Variants in LYPLAL1 observed in about 807,000 individuals in gnomAD.
The protein encoded by LYPLAL1 is lysophospholipase like 1.
In LYPLAL1, 23 loss-of-function variants were observed where a neutral mutation model predicts 19.7. The observed-to-expected ratio is 1.17, with a 90% CI of 0.84 to 1.65. LYPLAL1 has a LOEUF of 1.65. Ranked by LOEUF, LYPLAL1 falls within the 40% of genes most tolerant of loss-of-function variation. LYPLAL1 has a pLI of 0.00. For synonymous variants in LYPLAL1, 119 were observed against 96.3 expected (o/e 1.24, Z -1.38); for missense variants, 355 against 279.4 (o/e 1.27, Z -1.93).
At chr1:219,427,151 A>G in the LYPLAL1 span, among the ~76,000 whole-genome samples, 1 of 152,118 alleles carries the variant, frequency 6.6e-6, no homozygotes, top group Non-Finnish European at 1.5e-5. Context: ...TCTTTGTCCT[A>G]TTAGTAAAAA....
the LYPLAL1 span, among the ~76,000 whole-genome samples, chr1:219,245,008 T>G: frequency 2.0e-5 from 3 of 150,660 alleles, no homozygotes; most frequent in Non-Finnish European, 4.4e-5. Flanking sequence ...TTATTCTTTC[T>G]TTCCTTCCTC....
intron 2 of LYPLAL1, among the ~76,000 whole-genome samples, chr1:219,186,995 T>C (rs754571063): frequency 3.5e-4 from 53 of 151,704 alleles, no homozygotes; most frequent in Non-Finnish European, 6.8e-4. Context: ...GATTATGATA[T>C]ACATAGCAAA....
chr1:219,270,138 A>G, the LYPLAL1 span, among the ~76,000 whole-genome samples: 3 of 152,230 alleles, frequency 2.0e-5, no homozygotes, highest in Admixed American at 6.5e-5. Flanking sequence ...ACACCAAAGT[A>G]TCCACTTCAC....
At chr1:219,182,432 C>G (rs1656365684) in intron 2 of LYPLAL1, among the ~76,000 whole-genome samples, 1 of 151,998 alleles carries the variant, frequency 6.6e-6, no homozygotes, top group Non-Finnish European at 1.5e-5. Context: ...TTGCTACCTT[C>G]CATCTATTAT....
the LYPLAL1 span, among the ~76,000 whole-genome samples, chr1:219,242,431 A>C: frequency 6.6e-6 from 1 of 152,214 alleles, no homozygotes; most frequent in Non-Finnish European, 1.5e-5. Flanking sequence ...TGAACAAAGT[A>C]GTCCCTTCCA....
chr1:219,197,635 A>C (rs1472419213), intron 3 of LYPLAL1, among the ~76,000 whole-genome samples: 1 of 152,188 alleles, frequency 6.6e-6, no homozygotes, highest in Non-Finnish European at 1.5e-5. Context: ...GATGGTATCT[A>C]ATAAACTAAA....
chr1:219,312,682 CT>C, the LYPLAL1 span, among the ~76,000 whole-genome samples: 3 of 152,290 alleles, frequency 2.0e-5, no homozygotes, highest in African/African-American at 7.2e-5. Context: ...GGCACCTTGT[CT>C]GTTTTTTCAG....
the LYPLAL1 span, among the ~76,000 whole-genome samples, chr1:219,369,409 T>C: frequency 6.6e-6 from 1 of 152,170 alleles, no homozygotes; most frequent in Non-Finnish European, 1.5e-5. Flanking sequence ...GTAGCTGGGA[T>C]TACAGGCATG....
In LYPLAL1 at chr1:219,193,095, A is replaced by T. The variant is rs372004280; in HGVS notation, c.205A>T (p.Met69Leu). 6.4e-5 allele frequency: 102 copies of T among 1,599,582 alleles called. No individual in the cohort carries two copies. The highest frequency in any genetic ancestry group is 8.5e-5 in the Non-Finnish European group (100 of 1,172,448). ...PTAPPRSYTP[M>L]KGGISNVWFD... ...GTTGTTAAACAGATCATATACTCCT[A>T]TGAAAGGAGGAATCTCCAATGTATG... The change falls in exon 3 of 5, where the codon ATG (methionine) becomes TTG (leucine). Residue 69 changes from methionine to leucine, a missense_variant. By Grantham distance (15) the Met-to-Leu change is conservative. Coordinates refer to ENST00000366928, the MANE Select transcript of LYPLAL1 (RefSeq NM_138794.5).
the LYPLAL1 span, among the ~76,000 whole-genome samples, chr1:219,277,149 A>T: frequency 1.2e-4 from 18 of 152,210 alleles, no homozygotes; most frequent in African/African-American, 4.3e-4. Flanking sequence ...CAGTACAGTG[A>T]CCACCACAAT....
chr1:219,210,681 T>A (rs762980774), intron 4 of LYPLAL1, 34 bp downstream of exon 4: 8 of 1,571,398 alleles, frequency 5.1e-6, no homozygotes, highest in African/African-American at 4.2e-5. Flanking sequence ...ATGAAAAAAA[T>A]ATGAAATATA....
the LYPLAL1 span, among the ~76,000 whole-genome samples, chr1:219,221,859 A>G: frequency 2.6e-5 from 4 of 152,158 alleles, no homozygotes; most frequent in Non-Finnish European, 4.4e-5. Context: ...CATCAACACC[A>G]CTTATACTTT....
chr1:219,425,670 G>GGACCT, the LYPLAL1 span, among the ~76,000 whole-genome samples: 7 of 152,172 alleles, frequency 4.6e-5, no homozygotes, highest in African/African-American at 1.4e-4. Context: ...ATTTAGTATA[G>GGACCT]GACCTGGCCA....
chr1:219,252,032 T>C, the LYPLAL1 span, among the ~76,000 whole-genome samples: 70 of 152,218 alleles, frequency 4.6e-4, no homozygotes, highest in African/African-American at 1.6e-3. Context: ...GATATTTTAC[T>C]CTTTTTTGTG....
intron 3 of LYPLAL1, among the ~76,000 whole-genome samples, chr1:219,195,693 A>G (rs1266719370): frequency 1.3e-5 from 2 of 152,072 alleles, no homozygotes; most frequent in East Asian, 3.8e-4. Flanking sequence ...TAAAAATTTT[A>G]ATTTTATTTT....
At chr1:219,192,701 C>T (rs1657279917) in intron 2 of LYPLAL1, among the ~76,000 whole-genome samples, 1 of 151,508 alleles carries the variant, frequency 6.6e-6, no homozygotes, top group South Asian at 2.1e-4. Context: ...TACTCCATTA[C>T]AGTTTGGAAT....
At chr1:219,442,290 A>C in the LYPLAL1 span, among the ~76,000 whole-genome samples, 1 of 152,192 alleles carries the variant, frequency 6.6e-6, no homozygotes, top group African/African-American at 2.4e-5. Context: ...AAAGTAAATA[A>C]ATGTTTTTGA....
chr1:219,182,056 A>G (rs1326773976), intron 2 of LYPLAL1, among the ~76,000 whole-genome samples: 3 of 152,098 alleles, frequency 2.0e-5, no homozygotes, highest in Non-Finnish European at 2.9e-5. Context: ...TAAAAAGTGT[A>G]TTTTGTTGTG....
At chr1:219,180,719 T>C (rs1340522791) in intron 2 of LYPLAL1, among the ~76,000 whole-genome samples, 1 of 152,230 alleles carries the variant, frequency 6.6e-6, no homozygotes, top group Non-Finnish European at 1.5e-5. Context: ...GTCTGATTAA[T>C]CATAAGACCA....
Sources: allele counts gnomAD v4.1 joint callset (sites outside exome capture counted in the v4.1 genomes callset), GRCh38; gene constraint gnomAD v4.1.1; transcripts MANE v1.5; gene names NCBI Gene and HGNC (gene_info 2026-07-23, HGNC 2026-07-21).